The following SAV1 variants were observed in gnomAD, a reference collection of about 807,000 sequenced individuals.
SAV1 encodes the protein salvador family WW domain containing protein 1.
Under a neutral mutation model 47.3 loss-of-function variants are expected in SAV1, and 23 were observed. That is an observed-to-expected ratio of 0.49 (90% CI 0.35 to 0.69). SAV1 has a LOEUF of 0.69. Among genes scored for constraint, SAV1 ranks in the 30% least tolerant of loss-of-function variants. SAV1 has a pLI of 0.01. For missense variants in SAV1, 448 were observed against 457.4 expected (o/e 0.98, Z 0.19); for synonymous variants, 155 against 159.2 (o/e 0.97, Z 0.20).
intron 4 of SAV1, among the ~76,000 whole-genome samples, chr14:50,636,091 T>C (rs1206791415): frequency 6.6e-6 from 1 of 152,212 alleles, no homozygotes. Flanking sequence ...TTTCTTTAAA[T>C]TACCCATTAT....
At position 50,648,411 on chromosome 14, in the gene SAV1, T is replaced by C. The variant is rs1258110227; in HGVS notation, c.536-3397A>G. 6.6e-5 allele frequency among the ~76,000 whole-genome samples: 10 copies of C among 152,328 alleles called. No individual in the cohort carries two copies. The East Asian group carries it at 1.7e-3, about 26-fold the overall frequency. On this transcript the variant is annotated intron_variant, in intron 2 of 4. Transcript: ENST00000324679. The stretch of plus-strand genomic sequence containing the variant: ...ACATATGTTAATACTCAGAACTGTG[T>C]AACTTGAAAAAAGTTAAATTTACTA...
chr14:50,648,913 T>C lies in SAV1; in HGVS notation c.536-3899A>G, dbSNP rs1234876426. Among the ~76,000 whole-genome samples the C allele has an allele frequency of 3.3e-5, 5 of 152,224 alleles. No homozygotes were observed. The South Asian group carries it at 8.3e-4, about 25-fold the overall frequency. On this transcript the variant is annotated intron_variant, in intron 2 of 4. Coordinates refer to ENST00000324679, the MANE Select transcript of SAV1 (RefSeq NM_021818.4). ...GCTCAGTAAGTTTTTTCCTTGATAT[T>C]TGGTACAAGTTATCTTTACTGTCTC...
chr14:50,667,823 G>A, intron 1 of SAV1, 51 bp downstream of exon 1: 5 of 1,502,904 alleles, frequency 3.3e-6, no homozygotes, highest in African/African-American at 1.4e-5. Flanking sequence ...AGGGTCCCCG[G>A]AGCACCTGGC....
At position 50,634,230 on chromosome 14, in the gene SAV1, C is replaced by A; in HGVS notation, c.*953G>T. The A allele has an allele frequency of 2.2e-6, 1 of 452,594 alleles. No homozygotes were observed. The highest frequency in any genetic ancestry group is 4.4e-6 in the Non-Finnish European group (1 of 224,878). 28.0% of individuals were successfully genotyped at this position (452,594 alleles called of 1,614,324 possible). A position where few individuals can be genotyped will look rare whatever the true frequency, so the allele number is the denominator to read the frequency against. On this transcript the variant is annotated 3_prime_UTR_variant, in exon 5 of 5. Transcript: ENST00000324679. The stretch of plus-strand genomic sequence containing the variant: ...TTGAGTTTCACGCACCTTCCCAATA[C>A]AGGCTAAGTATTCCTGCTTATATGT...
At position 50,644,896 on chromosome 14, in the gene SAV1, T is replaced by C. The variant is rs761734587; in HGVS notation, c.654A>G (p.Ile218Met). Residue 218 changes from isoleucine to methionine, a missense_variant, in exon 3 of 5, where the codon ATA (isoleucine) becomes ATG (methionine). Coordinates refer to ENST00000324679, the MANE Select transcript of SAV1 (RefSeq NM_021818.4). ...DWTMRGRKYY[I>M]DHNTNTTHWS... ...AGTGAGTTGTATTTGTGTTATGATC[T>C]ATATAATATTTTCTCCCTCTCATTG... 131 of 1,614,014 alleles carry C rather than the reference T, an allele frequency of 8.1e-5. No individual in the cohort carries two copies. Among genetic ancestry groups the C allele is most frequent in the Non-Finnish European group, 1.0e-4 (122 of 1,180,018 alleles).
chr14:50,656,130 T>A (rs1337535543), intron 2 of SAV1, among the ~76,000 whole-genome samples: 1 of 152,190 alleles, frequency 6.6e-6, no homozygotes, highest in Non-Finnish European at 1.5e-5. Flanking sequence ...CATACTTCCA[T>A]ATATGTACTG....
chr14:50,639,298 T>G (rs962496394), intron 4 of SAV1, among the ~76,000 whole-genome samples: 5 of 152,216 alleles, frequency 3.3e-5, no homozygotes, highest in Non-Finnish European at 5.9e-5. Flanking sequence ...TTCTCAATTG[T>G]CTGAAAAACA....
At position 50,642,203 on chromosome 14, in the gene SAV1, G is replaced by A. The variant is rs118150507; in HGVS notation, c.807-1310C>T. Among the ~76,000 whole-genome samples, 1,061 of 152,210 alleles carry A rather than the reference G, an allele frequency of 7.0e-3. 23 individuals are homozygous for A. The highest frequency in any genetic ancestry group is 0.07 in the East Asian group (360 of 5,176). On this transcript the variant is annotated intron_variant, in intron 3 of 4. Coordinates refer to ENST00000324679, the MANE Select transcript of SAV1 (RefSeq NM_021818.4). ...ACAATAAACATTGAGGCCTACTTGCGGGCAGAGGATGGGAGAAGCATGAGG... is the reference window on the plus strand; with the variant it reads ...ACAATAAACATTGAGGCCTACTTGCAGGCAGAGGATGGGAGAAGCATGAGG...
intron 3 of SAV1, among the ~76,000 whole-genome samples, chr14:50,644,086 G>T (rs552462451): frequency 6.6e-6 from 1 of 152,276 alleles, no homozygotes; most frequent in Non-Finnish European, 1.5e-5. Flanking sequence ...AATCCAGTGT[G>T]TATTTACACT....
chr14:50,635,156 CA>C lies in SAV1; in HGVS notation c.*26del. 6.3e-7 allele frequency: 1 copy of C among 1,587,006 alleles called. No homozygotes were observed. The highest frequency in any genetic ancestry group is 8.6e-7 in the Non-Finnish European group (1 of 1,157,748). On this transcript the variant is annotated 3_prime_UTR_variant, in exon 5 of 5. Transcript: ENST00000324679. Reference sequence around the variant, plus strand: ...CTGTGAAAATATTTTAAAGCTCTTACAAAACTTAAATTTTTAAAAAATCAGC... The same window carrying C: ...CTGTGAAAATATTTTAAAGCTCTTACAAACTTAAATTTTTAAAAAATCAGC...
At chr14:50,653,747 T>C (rs2140258128) in intron 2 of SAV1, among the ~76,000 whole-genome samples, 1 of 152,026 alleles carries the variant, frequency 6.6e-6, no homozygotes. Flanking sequence ...CGCATACTTG[T>C]AGTCCCAGCT....
In SAV1 at chr14:50,635,536, G is replaced by A. The variant is rs530655166; in HGVS notation, c.951-152C>T. ...AAAAATAACTGGGCACAGTGGTGGC[G>A]CCTATTATAGTCCCAGCTACTTGGG... On this transcript the variant is annotated intron_variant, in intron 4 of 4. Coordinates refer to ENST00000324679, the MANE Select transcript of SAV1 (RefSeq NM_021818.4). 3.2e-4 allele frequency: 222 copies of A among 687,958 alleles called. 8 individuals are homozygous for A. The South Asian group carries it at 3.7e-3, about 12-fold the overall frequency. 42.6% of individuals were successfully genotyped at this position (687,958 alleles called of 1,614,324 possible). A position where few individuals can be genotyped will look rare whatever the true frequency, so the allele number is the denominator to read the frequency against.
chr14:50,649,571 T>TAA (rs1354916638), intron 2 of SAV1, among the ~76,000 whole-genome samples: 1 of 152,232 alleles, frequency 6.6e-6, no homozygotes, highest in East Asian at 1.9e-4. Context: ...ACGAAGGTGT[T>TAA]TTTTATAATC....
intron 3 of SAV1, among the ~76,000 whole-genome samples, chr14:50,643,169 G>C (rs2039694072): frequency 6.6e-6 from 1 of 152,040 alleles, no homozygotes; most frequent in Admixed American, 6.5e-5. Context: ...AAGTTGCTGA[G>C]AGAAGTAAAT....
chr14:50,655,556 G>C lies in SAV1; in HGVS notation c.535+9623C>G, dbSNP rs1028939071. On this transcript the variant is annotated intron_variant, in intron 2 of 4. Transcript: ENST00000324679. The stretch of plus-strand genomic sequence containing the variant: ...TTCTCCTGCCTCAGCCTCCCGAGTA[G>C]GTGAGATTACAGGAACCTGCCACCA... Among the ~76,000 whole-genome samples, 47 of 151,648 alleles carry C rather than the reference G, an allele frequency of 3.1e-4. 1 individual carries two copies. Among genetic ancestry groups the C allele is most frequent in the Non-Finnish European group, 4.4e-5 (3 of 67,940 alleles).
Position 50,635,383 on chromosome 14 carries a change from A to T in SAV1, c.952T>A (p.Tyr318Asn), listed in dbSNP as rs776090521. Residue 318 changes from tyrosine to asparagine, a missense_variant and splice_region_variant, in exon 5 of 5, where the codon TAT (tyrosine) becomes AAT (asparagine). By Grantham distance (143) the Tyr-to-Asn change is moderately radical. Transcript: ENST00000324679. ...AGTTCCCACTTCAGAATGTGGTCAT[A>T]TCTGTTTTAAAACACAATCATATAT... ...LQVYARAPVKYDHILKWELFQ... is the reference protein window; with the variant it reads ...LQVYARAPVKNDHILKWELFQ... 6.2e-7 allele frequency: 1 copy of T among 1,613,282 alleles called. No individual in the cohort carries two copies. The highest frequency in any genetic ancestry group is 1.7e-5 in the Admixed American group (1 of 60,018).
chr14:50,667,763 C>T (rs2039915405), intron 1 of SAV1, 111 bp downstream of exon 1: 4 of 753,196 alleles, frequency 5.3e-6, no homozygotes, highest in African/African-American at 1.8e-5. Context: ...CAGTATTTCA[C>T]GCGACCAAGG....
Position 50,634,423 on chromosome 14 carries a change from C to G in SAV1, c.*760G>C, listed in dbSNP as rs1376389193. The G allele has an allele frequency of 2.6e-5, 6 of 231,050 alleles. No homozygotes were observed. Among genetic ancestry groups the G allele is most frequent in the Non-Finnish European group, 2.7e-5 (3 of 111,868 alleles). 14.3% of individuals were successfully genotyped at this position (231,050 alleles called of 1,614,324 possible). On this transcript the variant is annotated 3_prime_UTR_variant, in exon 5 of 5. Transcript: ENST00000324679. ...GCAGTGCAAGTGGTGCGATCTTGAC[C>G]CTGCAACCTCTGCCTCTTGGGCTCA...
intron 2 of SAV1, among the ~76,000 whole-genome samples, chr14:50,645,228 AG>A (rs2140251858): frequency 6.6e-6 from 1 of 152,296 alleles, no homozygotes; most frequent in South Asian, 2.1e-4. Flanking sequence ...AAATTAGTAG[AG>A]GGTTTTTTGG....
Sources: gnomAD v4.1 joint callset for allele counts (sites outside exome capture counted in the v4.1 genomes callset) on GRCh38, gnomAD v4.1.1 for gene constraint, MANE v1.5 for transcripts, NCBI Gene and HGNC (gene_info 2026-07-23, HGNC 2026-07-21) for gene names.